The following KCNIP3 variants were observed in gnomAD, a reference collection of about 807,000 sequenced individuals.
KCNIP3 encodes calsenilin.
KCNIP3 carries 28 observed loss-of-function variants against 35.0 expected under a neutral mutation model. That is an observed-to-expected ratio of 0.80 (90% CI 0.59 to 1.10). KCNIP3 has a LOEUF of 1.10. Among genes scored for constraint, KCNIP3 ranks in the 50% least tolerant of loss-of-function variants. KCNIP3 has a pLI of 0.00. For missense variants in KCNIP3, 295 were observed against 338.4 expected, an observed-to-expected ratio of 0.87 and a Z score of 1.01; for synonymous variants, 134 against 133.8, an observed-to-expected ratio of 1.00 and a Z score of -0.01.
intron 1 of KCNIP3, among the ~76,000 whole-genome samples, chr2:95,305,434 A>G (rs1678142884): frequency 6.6e-6 from 1 of 152,200 alleles, no homozygotes; most frequent in Admixed American, 6.5e-5. Context: ...TTTCAAAACT[A>G]CAACACAATA....
chr2:95,303,387 T>C (rs1475656753), intron 1 of KCNIP3: 1 of 152,338 alleles, frequency 6.6e-6, no homozygotes, highest in Non-Finnish European at 1.5e-5. Context: ...TGGTGTGGTG[T>C]TTGCGGCAGA....
In KCNIP3 at chr2:95,384,109, G is replaced by A. The variant is rs1680423664; in HGVS notation, c.*60G>A. The stretch of plus-strand genomic sequence containing the variant: ...TCCACCCCCAAGAAACCTCCATCCT[G>A]CCAGGAGCAGCCTCCAAGAAACTTT... On this transcript the variant is annotated 3_prime_UTR_variant, in exon 9 of 9. Transcript: ENST00000295225. 1.4e-6 allele frequency: 2 copies of A among 1,476,072 alleles called. No homozygotes were observed. Among genetic ancestry groups the A allele is most frequent in the East Asian group, 2.3e-5 (1 of 44,224 alleles). 91.4% of individuals were successfully genotyped at this position (1,476,072 alleles called of 1,614,324 possible). A position where few individuals can be genotyped will look rare whatever the true frequency, so the allele number is the denominator to read the frequency against.
chr2:95,345,842 C>T (rs1449526448), intron 2 of KCNIP3, among the ~76,000 whole-genome samples: 1 of 152,346 alleles, frequency 6.6e-6, no homozygotes, highest in Admixed American at 6.5e-5. Flanking sequence ...TCTACCAGAC[C>T]CGGCAGGAAG....
rs769709341 is a variant in KCNIP3 at position 95,382,396 on chromosome 2, A to G, written c.575A>G (p.Lys192Arg). Residue 192 changes from lysine to arginine, a missense_variant, in exon 7 of 9, where the codon AAG (lysine) becomes AGG (arginine). By Grantham distance (26) the Lys-to-Arg change is conservative (BLOSUM62 2). Coordinates refer to ENST00000295225, the MANE Select transcript of KCNIP3 (RefSeq NM_013434.5). The surrounding 1 kb of genome is among the most constrained non-coding windows in gnomAD (Gnocchi z 4.5). The stretch of plus-strand genomic sequence containing the variant: ...CTCCAGGAGATGCTGGCCATCATGA[A>G]GTCCATCTATGACATGATGGGCCGC... ...ITKEEMLAIMKSIYDMMGRHT... is the reference protein window; with the variant it reads ...ITKEEMLAIMRSIYDMMGRHT... 2.4e-5 allele frequency: 39 copies of G among 1,596,816 alleles called. No homozygotes were observed. The highest frequency in any genetic ancestry group is 3.1e-5 in the Non-Finnish European group (36 of 1,171,884).
chr2:95,359,501 G>T lies in KCNIP3; in HGVS notation c.182-14795G>T, dbSNP rs534102786. On this transcript the variant is annotated intron_variant, in intron 2 of 8. Coordinates refer to ENST00000295225, the MANE Select transcript of KCNIP3 (RefSeq NM_013434.5). ...GGGCACCCCCACCCCCATGGCTTTG[G>T]TGGGCTCGGCAGCCACAGGAGCTCT... Among the ~76,000 whole-genome samples the T allele has an allele frequency of 1.3e-4, 20 of 152,298 alleles. No homozygotes were observed. The South Asian group carries it at 3.7e-3, about 28-fold the overall frequency.
At chr2:95,379,625 C>T (rs1407854639) in intron 5 of KCNIP3, among the ~76,000 whole-genome samples, 7 of 152,238 alleles carry the variant, frequency 4.6e-5, no homozygotes, top group African/African-American at 1.7e-4. Context: ...AGCGTTTGAG[C>T]ACCTGGGAGT....
chr2:95,352,034 G>A (rs542824234), intron 2 of KCNIP3, among the ~76,000 whole-genome samples: 26 of 152,070 alleles, frequency 1.7e-4, no homozygotes, highest in Non-Finnish European at 2.9e-4. Flanking sequence ...AGGCCGAGGT[G>A]GGCAGATCAC....
At chr2:95,315,517 C>T (rs1355673109) in intron 2 of KCNIP3, among the ~76,000 whole-genome samples, 2 of 152,138 alleles carry the variant, frequency 1.3e-5, no homozygotes, top group Non-Finnish European at 2.9e-5. Flanking sequence ...CTTACTCCCC[C>T]GATCCTGCCC....
At chr2:95,333,328 G>A (rs1678978821) in intron 2 of KCNIP3, among the ~76,000 whole-genome samples, 1 of 152,326 alleles carries the variant, frequency 6.6e-6, no homozygotes, top group Non-Finnish European at 1.5e-5. Context: ...GGAAGTATTT[G>A]TCAAATGAGT....
intron 2 of KCNIP3, among the ~76,000 whole-genome samples, chr2:95,318,535 G>A (rs1349215267): frequency 6.6e-6 from 1 of 152,210 alleles, no homozygotes; most frequent in Non-Finnish European, 1.5e-5. Flanking sequence ...GTCGGTACTT[G>A]TGGGCCCAGG....
At chr2:95,347,020 A>T in intron 2 of KCNIP3, 1 of 1,604,784 alleles carries the variant, frequency 6.2e-7, no homozygotes, top group Non-Finnish European at 8.5e-7. Context: ...CCGGCTTGCC[A>T]TGGGCATCCA....
At chr2:95,307,396 A>G (rs772173241) in intron 1 of KCNIP3, among the ~76,000 whole-genome samples, 13 of 152,254 alleles carry the variant, frequency 8.5e-5, no homozygotes, top group Non-Finnish European at 1.6e-4. Context: ...GGTCAAGCCC[A>G]TGTGAACTTT....
At chr2:95,357,236 A>G (rs1380311100) in intron 2 of KCNIP3, among the ~76,000 whole-genome samples, 1 of 152,222 alleles carries the variant, frequency 6.6e-6, no homozygotes, top group African/African-American at 2.4e-5. Context: ...CTCAGCTCAG[A>G]TTCAAAGGGA....
At chr2:95,381,787 C>CT in intron 6 of KCNIP3, 84 bp downstream of exon 6, 1 of 933,532 alleles carries the variant, frequency 1.1e-6, no homozygotes, top group Non-Finnish European at 1.7e-6. Context: ...CTCCCTGCTC[C>CT]TGCTGCCCAC....
chr2:95,317,564 C>G (rs1166702193), intron 2 of KCNIP3, among the ~76,000 whole-genome samples: 1 of 152,086 alleles, frequency 6.6e-6, no homozygotes, highest in Non-Finnish European at 1.5e-5. Context: ...GCTGGGAGAG[C>G]CAGAAGCAGG....
chr2:95,305,603 CT>C (rs1291810643), intron 1 of KCNIP3, among the ~76,000 whole-genome samples: 2 of 152,190 alleles, frequency 1.3e-5, no homozygotes, highest in Non-Finnish European at 2.9e-5. Context: ...GCTCTGTCCC[CT>C]CAAGGCCCCT....
chr2:95,313,012 C>A (rs1297674170), intron 2 of KCNIP3: 1 of 152,496 alleles, frequency 6.6e-6, no homozygotes, highest in Non-Finnish European at 1.5e-5. Flanking sequence ...GGCATCCCCC[C>A]TCTTTGGGAG....
At chr2:95,318,720 G>A (rs1678518558) in intron 2 of KCNIP3, among the ~76,000 whole-genome samples, 1 of 152,262 alleles carries the variant, frequency 6.6e-6, no homozygotes, top group Non-Finnish European at 1.5e-5. Context: ...TGCTGGGAAG[G>A]GTTGATATCA....
chr2:95,312,123 G>A (rs1274944182), intron 2 of KCNIP3: 1 of 152,218 alleles, frequency 6.6e-6, no homozygotes, highest in Admixed American at 6.5e-5. Flanking sequence ...GTCTTCCAGG[G>A]TTTTCTTGGT....
Sources: gnomAD v4.1 joint callset for allele counts (sites outside exome capture counted in the v4.1 genomes callset) on GRCh38, gnomAD v4.1.1 for gene constraint, Gnocchi (gnomAD v3.1) non-coding constraint, MANE v1.5 for transcripts, NCBI Gene and HGNC (gene_info 2026-07-23, HGNC 2026-07-21) for gene names.